Variants in SGCD observed in about 807,000 individuals in gnomAD.
The protein encoded by SGCD is sarcoglycan delta.
In SGCD, 18 loss-of-function variants were observed where a neutral mutation model predicts 36.6. That is an observed-to-expected ratio of 0.49 (90% CI 0.34 to 0.73). The LOEUF (loss-of-function observed/expected upper bound fraction) is 0.73. Ranked by LOEUF, SGCD falls within the 30% of genes least tolerant of loss-of-function variation. SGCD has a pLI of 0.01. For synonymous variants in SGCD, 133 were observed against 130.6 expected (o/e 1.02, Z -0.12); for missense variants, 387 against 346.7 (o/e 1.12, Z -0.92).
At chr5:156,652,497 CAT>C (rs1359003558) in intron 7 of SGCD, among the ~76,000 whole-genome samples, 3 of 151,952 alleles carry the variant, frequency 2.0e-5, no homozygotes, top group Admixed American at 6.6e-5. Flanking sequence ...TTCTCTCTCT[CAT>C]ATACACACAT....
chr5:155,898,194 G>A (rs748009068), intron 1 of SGCD, among the ~76,000 whole-genome samples: 7 of 152,106 alleles, frequency 4.6e-5, no homozygotes, highest in Non-Finnish European at 1.0e-4. Context: ...AATTGTCCCT[G>A]CTATCCCAGG....
At chr5:155,906,587 C>A (rs1756516555) in intron 1 of SGCD, among the ~76,000 whole-genome samples, 6 of 152,108 alleles carry the variant, frequency 3.9e-5, no homozygotes, top group Admixed American at 3.9e-4. Context: ...TCTGAGTGGT[C>A]TAGATGGAAG....
chr5:156,281,670 T>C (rs536243367), intron 3 of SGCD, among the ~76,000 whole-genome samples: 10 of 152,198 alleles, frequency 6.6e-5, no homozygotes, highest in African/African-American at 2.2e-4. Context: ...AAAATAGATA[T>C]ACAAAACATA....
intron 1 of SGCD, among the ~76,000 whole-genome samples, chr5:156,081,035 T>G (rs998632317): frequency 1.3e-5 from 2 of 152,210 alleles, no homozygotes; most frequent in African/African-American, 4.8e-5. Context: ...AAAATAGGTT[T>G]CATTGGCTCA....
At chr5:155,918,209 G>A (rs1252374520) in intron 1 of SGCD, among the ~76,000 whole-genome samples, 1 of 152,172 alleles carries the variant, frequency 6.6e-6, no homozygotes, top group African/African-American at 2.4e-5. Flanking sequence ...AAAGAAAATA[G>A]TAATAATGAT....
chr5:156,409,659 G>A (rs983516063), intron 3 of SGCD, among the ~76,000 whole-genome samples: 3 of 152,088 alleles, frequency 2.0e-5, no homozygotes, highest in South Asian at 2.1e-4. Context: ...GCTTGTCTGA[G>A]CTTTGGTTTC....
At chr5:155,853,600 A>T in the SGCD span, among the ~76,000 whole-genome samples, 1 of 152,226 alleles carries the variant, frequency 6.6e-6, no homozygotes, top group Non-Finnish European at 1.5e-5. Context: ...CTAAGTGAAT[A>T]GACATTGTCA....
At chr5:156,033,221 T>C (rs1759397795) in intron 1 of SGCD, among the ~76,000 whole-genome samples, 1 of 152,134 alleles carries the variant, frequency 6.6e-6, no homozygotes, top group Non-Finnish European at 1.5e-5. Context: ...GAACCAAACT[T>C]CAACAAATCT....
chr5:156,693,927 C>T (rs1754209129), intron 7 of SGCD, among the ~76,000 whole-genome samples: 2 of 152,044 alleles, frequency 1.3e-5, no homozygotes, highest in Admixed American at 6.6e-5. Context: ...GGATGGGTAG[C>T]CTATTATTCT....
At chr5:156,046,292 G>T (rs1759763478) in intron 1 of SGCD, among the ~76,000 whole-genome samples, 1 of 152,112 alleles carries the variant, frequency 6.6e-6, no homozygotes, top group Admixed American at 6.6e-5. Context: ...CAATAGGCAA[G>T]TTTAGAAAAT....
In SGCD at chr5:155,943,458, G is replaced by A. The variant is rs541592269; in HGVS notation, c.-282+73034G>A. Among the ~76,000 whole-genome samples the A allele has an allele frequency of 2.1e-4, 32 of 152,154 alleles. 1 individual carries two copies. The highest frequency in any genetic ancestry group is 3.4e-4 in the African/African-American group (14 of 41,520). ...TTAAAATTTAGTAAGCACCTACTTCGTACAAGAAACTGTGCTTGATCTAGG... is the reference window on the plus strand; with the variant it reads ...TTAAAATTTAGTAAGCACCTACTTCATACAAGAAACTGTGCTTGATCTAGG... On this transcript the variant is annotated intron_variant, in intron 1 of 9. Transcript: ENST00000517913.
intron 1 of SGCD, among the ~76,000 whole-genome samples, chr5:156,043,564 CAG>C (rs1375599348): frequency 1.3e-5 from 2 of 152,120 alleles, no homozygotes; most frequent in African/African-American, 4.8e-5. Context: ...GACACTTTCT[CAG>C]CAGAGAAAGA....
chr5:156,541,833 C>T (rs1189149133), intron 4 of SGCD, among the ~76,000 whole-genome samples: 1 of 152,124 alleles, frequency 6.6e-6, no homozygotes, highest in East Asian at 1.9e-4. Flanking sequence ...CAACAAAGGT[C>T]GTAGCATTGG....
intron 2 of SGCD, among the ~76,000 whole-genome samples, chr5:156,333,991 A>G (rs1768203456): frequency 6.6e-6 from 1 of 151,580 alleles, no homozygotes; most frequent in East Asian, 1.9e-4. Context: ...TGTGACGTTG[A>G]TTAAGTCACT....
At chr5:155,740,925 C>T in the SGCD span, among the ~76,000 whole-genome samples, 2 of 152,204 alleles carry the variant, frequency 1.3e-5, no homozygotes, top group East Asian at 3.8e-4. Context: ...ACTCATGACA[C>T]AGCCCCAGAA....
chr5:156,617,376 A>T (rs980733508), intron 6 of SGCD, among the ~76,000 whole-genome samples: 1 of 152,228 alleles, frequency 6.6e-6, no homozygotes, highest in African/African-American at 2.4e-5. Flanking sequence ...AGATAGAACT[A>T]ATGAAACTTG....
chr5:155,747,732 T>C, the SGCD span, among the ~76,000 whole-genome samples: 16 of 152,300 alleles, frequency 1.1e-4, no homozygotes, highest in African/African-American at 3.8e-4. Context: ...TAAGATAATA[T>C]TTATGGGAAA....
At chr5:156,302,708 T>C (rs1186019250) in intron 3 of SGCD, among the ~76,000 whole-genome samples, 2 of 152,194 alleles carry the variant, frequency 1.3e-5, no homozygotes, top group African/African-American at 4.8e-5. Context: ...ATCTAAATCT[T>C]TGGGCACTGA....
chr5:155,948,294 T>G (rs918692489), intron 1 of SGCD, among the ~76,000 whole-genome samples: 2 of 152,034 alleles, frequency 1.3e-5, no homozygotes, highest in African/African-American at 4.8e-5. Flanking sequence ...CTACTACTAA[T>G]AATAATAATA....
Sources: allele counts gnomAD v4.1 joint callset (sites outside exome capture counted in the v4.1 genomes callset), GRCh38; gene constraint gnomAD v4.1.1; transcripts MANE v1.5; gene names NCBI Gene and HGNC (gene_info 2026-07-23, HGNC 2026-07-21).